The following OGDH variants were observed in gnomAD, a reference collection of about 807,000 sequenced individuals.
OGDH encodes oxoglutarate dehydrogenase.
In OGDH, 38 loss-of-function variants were observed where a neutral mutation model predicts 116.6. That is an observed-to-expected ratio of 0.33 (90% CI 0.25 to 0.43). The LOEUF is 0.43. Among genes scored for constraint, OGDH ranks in the 20% least tolerant of loss-of-function variants. The pLI, the probability that OGDH is intolerant of heterozygous loss-of-function variation, is 1.00. For synonymous variants in OGDH, 488 were observed against 533.3 expected (o/e 0.92, Z 1.17); for missense variants, 825 against 1,357.2 (o/e 0.61, Z 6.16).
chr7:44,682,690 A>AAAAAAAAAT (rs1293510172), intron 10 of OGDH, among the ~76,000 whole-genome samples: 1 of 151,272 alleles, frequency 6.6e-6, no homozygotes, highest in East Asian at 1.9e-4. Context: ...AGTCTGTCTA[A>AAAAAAAAAT]AAAAAAAATT....
intron 4 of OGDH, among the ~76,000 whole-genome samples, chr7:44,659,385 T>G (rs1786837019): frequency 6.6e-6 from 1 of 152,244 alleles, no homozygotes; most frequent in Admixed American, 6.5e-5. Flanking sequence ...TTGCTTTTGG[T>G]ATCAGGGTAA....
Position 44,700,225 on chromosome 7 carries a change from T to C in OGDH, c.2515T>C (p.Phe839Leu), listed in dbSNP as rs1408430860. 2 of 1,614,114 alleles carry C rather than the reference T, an allele frequency of 1.2e-6. No homozygotes were observed. Among genetic ancestry groups the C allele is most frequent in the Admixed American group, 1.7e-5 (1 of 60,008 alleles). Residue 839 changes from phenylalanine to leucine, a missense_variant, in exon 19 of 23, where the codon TTC becomes CTC. Physicochemically the swap from Phe to Leu is conservative, Grantham distance 22 (BLOSUM62 0). Transcript: ENST00000222673. ...VVNCSTPGNF[F>L]HVLRRQILLP... ...CAACTGCTCCACTCCTGGCAACTTC[T>C]TCCACGTGCTACGACGCCAGATCCT...
chr7:44,681,924 G>A, intron 10 of OGDH, 76 bp downstream of exon 10: 1 of 1,546,548 alleles, frequency 6.5e-7, no homozygotes, highest in South Asian at 1.2e-5. Context: ...CATTTAGGAC[G>A]TTCACTGTTT....
chr7:44,628,208 TA>T (rs1264263362), intron 2 of OGDH, among the ~76,000 whole-genome samples: 1 of 152,216 alleles, frequency 6.6e-6, no homozygotes, highest in East Asian at 1.9e-4. Context: ...ATTTCTGGCA[TA>T]AATGCATCAG....
In OGDH at chr7:44,680,573, C is replaced by G. The variant is rs909737510; in HGVS notation, c.1207-1147C>G. Among the ~76,000 whole-genome samples, 129 of 149,146 alleles carry G rather than the reference C, an allele frequency of 8.6e-4. 1 individual carries two copies. Among genetic ancestry groups the G allele is most frequent in the African/African-American group, 2.3e-3 (90 of 39,748 alleles). On this transcript the variant is annotated intron_variant, in intron 9 of 22. Transcript: ENST00000222673. ...ACACACACACACACACACACACACA[C>G]AGAAATAGCCATGTATATGTGCGCC... is the stretch of plus-strand genomic sequence containing the variant.
chr7:44,697,336 G>C lies in OGDH; in HGVS notation c.2052-34G>C, dbSNP rs760018906. ...CAGCGTATTTGCTTGTCAAGTCAGA[G>C]CTCCTAATTATTACCTCTGTTGTCC... On this transcript the variant is annotated intron_variant, in intron 15 of 22. Coordinates refer to ENST00000222673, the MANE Select transcript of OGDH (RefSeq NM_002541.4). The surrounding 1 kb of genome is among the most constrained non-coding windows in gnomAD (Gnocchi z 6.0). The C allele has an allele frequency of 6.2e-7, 1 of 1,613,252 alleles. No individual in the cohort carries two copies. The highest frequency in any genetic ancestry group is 8.5e-7 in the Non-Finnish European group (1 of 1,179,376).
Position 44,693,815 on chromosome 7 carries a change from T to C in OGDH, c.1336-10T>C. 7.6e-6 allele frequency: 12 copies of C among 1,573,440 alleles called. No homozygotes were observed. The highest frequency in any genetic ancestry group is 1.0e-5 in the Non-Finnish European group (12 of 1,153,012). On this transcript the variant is annotated splice_polypyrimidine_tract_variant and intron_variant, in intron 10 of 22. Coordinates refer to ENST00000222673, the MANE Select transcript of OGDH (RefSeq NM_002541.4). ...AGGTGCCCTCTTGCTAGGCTACATG[T>C]TCCTTGCAGATCGGCTTCACCACCG...
In OGDH at chr7:44,675,353, C is replaced by T. The variant is rs964945622; in HGVS notation, c.1026+85C>T. 28 of 1,109,026 alleles carry T rather than the reference C, an allele frequency of 2.5e-5. No individual in the cohort carries two copies. The African/African-American group carries it at 3.4e-4, about 13-fold the overall frequency. 68.7% of individuals were successfully genotyped at this position (1,109,026 alleles called of 1,614,324 possible). ...TCCACTTCTTTCTTAGAATGACTTACGGGGGGTTGGTTCTTCTGTACCATT... is the reference window on the plus strand; with the variant it reads ...TCCACTTCTTTCTTAGAATGACTTATGGGGGGTTGGTTCTTCTGTACCATT... On this transcript the variant is annotated intron_variant, in intron 8 of 22. Coordinates refer to ENST00000222673, the MANE Select transcript of OGDH (RefSeq NM_002541.4).
chr7:44,647,502 A>T, intron 3 of OGDH, 155 bp from the exon 4 acceptor site: 2 of 1,541,148 alleles, frequency 1.3e-6, no homozygotes, highest in Non-Finnish European at 1.7e-6. Flanking sequence ...GTAAATTTTG[A>T]TGATGCTCCA....
intron 12 of OGDH, among the ~76,000 whole-genome samples, chr7:44,695,136 C>T (rs916555863): frequency 1.3e-5 from 2 of 152,016 alleles, no homozygotes; most frequent in African/African-American, 4.8e-5. Context: ...AGCTCTGTCA[C>T]CCAGGCTGGA....
intron 1 of OGDH, among the ~76,000 whole-genome samples, chr7:44,610,729 C>T (rs758638847): frequency 6.6e-6 from 1 of 152,134 alleles, no homozygotes; most frequent in Non-Finnish European, 1.5e-5. Flanking sequence ...TTCTCAGCCT[C>T]CCAAGTAGCT....
chr7:44,646,568 T>A (rs1422570164), intron 3 of OGDH, among the ~76,000 whole-genome samples: 1 of 152,152 alleles, frequency 6.6e-6, no homozygotes, highest in African/African-American at 2.4e-5. Flanking sequence ...CCCAGTGGTG[T>A]TTCTTTATCA....
chr7:44,663,229 A>AT (rs1184588057), intron 4 of OGDH, among the ~76,000 whole-genome samples: 3 of 151,884 alleles, frequency 2.0e-5, no homozygotes, highest in East Asian at 1.9e-4. Flanking sequence ...ATGTTTTTTG[A>AT]TTTTTTAAAA....
intron 4 of OGDH, among the ~76,000 whole-genome samples, chr7:44,660,295 T>A (rs937176977): frequency 2.0e-5 from 3 of 152,206 alleles, no homozygotes; most frequent in African/African-American, 7.2e-5. Context: ...TGGCTATTTT[T>A]AAAATTTTTT....
rs1454287202 is a variant in OGDH at position 44,673,685 on chromosome 7, T to G, written c.634-102T>G. ...ATTGGAGTACATTTCAGAACAAGCC[T>G]CCTGCTTATCCCCTCCTTCTGGCTG... On this transcript the variant is annotated intron_variant, in intron 5 of 22. Coordinates refer to ENST00000222673, the MANE Select transcript of OGDH (RefSeq NM_002541.4). 9.5e-6 allele frequency: 11 copies of G among 1,162,884 alleles called. No homozygotes were observed. In the East Asian group the frequency reaches 2.6e-4, roughly 27 times the overall value. 72.0% of individuals were successfully genotyped at this position (1,162,884 alleles called of 1,614,324 possible).
In OGDH at chr7:44,617,824, C is replaced by T. The variant is rs142342909; in HGVS notation, c.-27-6493C>T. Among the ~76,000 whole-genome samples, 408 of 152,194 alleles carry T rather than the reference C, an allele frequency of 2.7e-3. 2 individuals are homozygous for T. The highest frequency in any genetic ancestry group is 3.9e-3 in the Non-Finnish European group (264 of 68,010). On this transcript the variant is annotated intron_variant, in intron 1 of 22. Coordinates refer to ENST00000222673, the MANE Select transcript of OGDH (RefSeq NM_002541.4). ...TGTGTGGGTTTTTTTCCCTCAAAGA[C>T]TTATTTACTGAGAAACAGCAGACTG... is the stretch of plus-strand genomic sequence containing the variant.
intron 2 of OGDH, among the ~76,000 whole-genome samples, chr7:44,631,402 A>G (rs894581647): frequency 2.6e-5 from 4 of 152,212 alleles, no homozygotes; most frequent in African/African-American, 7.2e-5. Flanking sequence ...GATAATGAAC[A>G]TTGTACCCAA....
At chr7:44,645,231 A>G in intron 2 of OGDH, 96 bp from the exon 3 acceptor site, 1 of 1,133,994 alleles carries the variant, frequency 8.8e-7, no homozygotes, top group Non-Finnish European at 1.3e-6. Context: ...CCTATGGTAG[A>G]CTTGCCTTGC....
chr7:44,708,160 C>A lies in OGDH; in HGVS notation c.*161C>A. 9.8e-7 allele frequency: 1 copy of A among 1,025,188 alleles called. No individual in the cohort carries two copies. The highest frequency in any genetic ancestry group is 1.4e-6 in the Non-Finnish European group (1 of 717,832). 63.5% of individuals were successfully genotyped at this position (1,025,188 alleles called of 1,614,324 possible). On this transcript the variant is annotated 3_prime_UTR_variant, in exon 23 of 23. Coordinates refer to ENST00000222673, the MANE Select transcript of OGDH (RefSeq NM_002541.4). The stretch of plus-strand genomic sequence containing the variant: ...TCATAGGAGTTAGGCTGTCGTCCCC[C>A]TCCAGTGCTTGGCTGCCCCACAGGC...
Sources: allele counts gnomAD v4.1 joint callset (sites outside exome capture counted in the v4.1 genomes callset), GRCh38; gene constraint gnomAD v4.1.1; non-coding constraint Gnocchi (gnomAD v3.1); transcripts MANE v1.5; gene names NCBI Gene and HGNC (gene_info 2026-07-23, HGNC 2026-07-21).